Variants in PIK3C2A observed in about 807,000 individuals in gnomAD.
PIK3C2A encodes the protein phosphatidylinositol 4-phosphate 3-kinase C2 domain-containing subunit alpha.
In PIK3C2A, 97 loss-of-function variants were observed where a neutral mutation model predicts 204.5. The observed-to-expected ratio is 0.47, with a 90% CI of 0.40 to 0.56. PIK3C2A has a LOEUF of 0.56. Among genes scored for constraint, PIK3C2A ranks in the 20% least tolerant of loss-of-function variants. The probability of loss-of-function intolerance (pLI) is 0.00; values close to 1 mark genes in which losing one functional copy is unlikely to be tolerated. For missense variants in PIK3C2A, 1,735 were observed against 1,969.2 expected (o/e 0.88, Z 2.25); for synonymous variants, 653 against 664.4 (o/e 0.98, Z 0.26).
intron 19 of PIK3C2A, among the ~76,000 whole-genome samples, chr11:17,115,986 T>C (rs1217414760): frequency 1.3e-5 from 2 of 152,096 alleles, no homozygotes; most frequent in African/African-American, 2.4e-5. Context: ...GATTTAATGA[T>C]GGATTCTTAG....
At chr11:17,187,316 C>A (rs1342661916) in intron 1 of PIK3C2A, among the ~76,000 whole-genome samples, 1 of 152,124 alleles carries the variant, frequency 6.6e-6, no homozygotes, top group Non-Finnish European at 1.5e-5. Flanking sequence ...AGAGAGATGA[C>A]ACAGGATAAG....
At chr11:17,104,491 T>A (rs6486349) in intron 23 of PIK3C2A, among the ~76,000 whole-genome samples, 1 of 152,000 alleles carries the variant, frequency 6.6e-6, no homozygotes, top group East Asian at 1.9e-4. Flanking sequence ...TTTGGGAGAC[T>A]GAAGCGGGCG....
At chr11:17,100,730 A>G (rs998073313) in intron 25 of PIK3C2A, among the ~76,000 whole-genome samples, 11 of 152,154 alleles carry the variant, frequency 7.2e-5, no homozygotes, top group African/African-American at 2.4e-4. Context: ...CTTTATGTCC[A>G]TGTATACATA....
Position 17,119,930 on chromosome 11 carries a change from T to C in PIK3C2A, c.2702A>G (p.Tyr901Cys). 6.2e-7 allele frequency: 1 copy of C among 1,606,370 alleles called. No individual in the cohort carries two copies. Among genetic ancestry groups the C allele is most frequent in the South Asian group, 1.1e-5 (1 of 90,052 alleles). The change falls in exon 16 of 33, where the codon TAT (tyrosine) becomes TGT (cysteine). Residue 901 changes from tyrosine (Y) to cysteine (C), a missense_variant. By Grantham distance (194) the Tyr-to-Cys change is radical (BLOSUM62 -2). Transcript: ENST00000691414. The stretch of plus-strand genomic sequence containing the variant: ...AAGACAATTTGGGTGTTTGAAGCAA[T>C]AATAACGTTTCTCCCATAAAAAAGC... ...DKAFLWEKRYYCFKHPNCLPK... is the reference protein window; with the variant it reads ...DKAFLWEKRYCCFKHPNCLPK...
intron 23 of PIK3C2A, among the ~76,000 whole-genome samples, chr11:17,103,205 GA>G (rs1250361071): frequency 8.9e-5 from 1 of 11,240 alleles, no homozygotes; most frequent in African/African-American, 1.8e-3. Flanking sequence ...ATGGATAGAA[GA>G]TTTTTTGCTT....
chr11:17,145,894 T>G lies in PIK3C2A; in HGVS notation c.1609A>C (p.Ile537Leu). The G allele has an allele frequency of 1.2e-6, 2 of 1,613,666 alleles. No individual in the cohort carries two copies. Among genetic ancestry groups the G allele is most frequent in the Non-Finnish European group, 1.7e-6 (2 of 1,179,874 alleles). The stretch of plus-strand genomic sequence containing the variant: ...ATGGCTTCTTTGCAAGGTTTTTCTA[T>G]TTGATACAGGTGTTTGTTTAAATCC... ...PVDLNKHLYQ[I>L]EKPCKEAMTR... The change falls in exon 7 of 33, where the codon ATA becomes CTA. Residue 537 changes from isoleucine to leucine, a missense_variant. Around this residue, in one of 6 missense-constraint regions of PIK3C2A, gnomAD observed 106 missense variants for 108.2 expected, o/e 0.98. Transcript: ENST00000691414.
At chr11:17,175,522 C>A (rs1039919055) in intron 1 of PIK3C2A, among the ~76,000 whole-genome samples, 1 of 152,066 alleles carries the variant, frequency 6.6e-6, no homozygotes, top group Admixed American at 6.6e-5. Context: ...AAATAATTTC[C>A]TACATCCTAA....
chr11:17,196,702 T>C (rs890246936), intron 1 of PIK3C2A, among the ~76,000 whole-genome samples: 7 of 152,038 alleles, frequency 4.6e-5, no homozygotes, highest in African/African-American at 1.7e-4. Context: ...CCCGAGTAGC[T>C]GGGACTACAG....
At chr11:17,110,663 GGGCAGAACAC>G in intron 21 of PIK3C2A, 102 bp from the exon 22 acceptor site, 1 of 981,138 alleles carries the variant, frequency 1.0e-6, no homozygotes, top group Non-Finnish European at 1.5e-6. Flanking sequence ...AGGCCAAAGT[GGGCAGAACAC>G]CTGAGGTCAG....
chr11:17,150,478 T>C lies in PIK3C2A; in HGVS notation c.1327+20A>G. On this transcript the variant is annotated intron_variant, in intron 4 of 32. Coordinates refer to ENST00000691414, the MANE Select transcript of PIK3C2A (RefSeq NM_002645.4). Reference sequence around the variant, plus strand: ...CCCCTAACAGAGCAAAACGAGAGGCTTGAGGAACCATAAACCTACCATCAC... The same window carrying C: ...CCCCTAACAGAGCAAAACGAGAGGCCTGAGGAACCATAAACCTACCATCAC... The C allele has an allele frequency of 6.4e-7, 1 of 1,571,806 alleles. No individual in the cohort carries two copies. The highest frequency in any genetic ancestry group is 8.6e-7 in the Non-Finnish European group (1 of 1,162,832).
At position 17,145,715 on chromosome 11, in the gene PIK3C2A, G is replaced by A. The variant is rs1555026591; in HGVS notation, c.1657C>T (p.Leu553Phe). The A allele has an allele frequency of 6.2e-7, 1 of 1,607,400 alleles. No homozygotes were observed. The highest frequency in any genetic ancestry group is 8.5e-7 in the Non-Finnish European group (1 of 1,174,252). The change falls in exon 8 of 33, where the codon CTC (leucine) becomes TTC (phenylalanine). Residue 553 changes from leucine (L) to phenylalanine (F), a missense_variant. Leu to Phe is a conservative substitution (Grantham distance 22). Transcript: ENST00000691414. The part of the protein sequence containing the change: ...EAMTRHPVEE[L>F]LDSYHNQVEL... ...ACTTGGTTGTGATAAGAATCTAAGA[G>A]TTCTTCAACAGGGTGTCTGAAAGAA...
At position 17,136,443 on chromosome 11, in the gene PIK3C2A, T is replaced by C. The variant is rs1013137446; in HGVS notation, c.1848+39A>G. 4.0e-6 allele frequency: 6 copies of C among 1,488,770 alleles called. No individual in the cohort carries two copies. In the African/African-American group the frequency reaches 6.9e-5, roughly 17 times the overall value. The allele number at this position is 1,488,770 out of a possible 1,614,324, so 92.2% of individuals were successfully genotyped here. A position where few individuals can be genotyped will look rare whatever the true frequency, so the allele number is the denominator to read the frequency against. ...CAAAAATCTCCTGTTTAAGTACATA[T>C]TTGCATGTAATAAAATCCTAGTTAC... On this transcript the variant is annotated intron_variant, in intron 9 of 32. Coordinates refer to ENST00000691414, the MANE Select transcript of PIK3C2A (RefSeq NM_002645.4).
chr11:17,175,375 T>G (rs1000709540), intron 1 of PIK3C2A, among the ~76,000 whole-genome samples: 1 of 152,188 alleles, frequency 6.6e-6, no homozygotes, highest in Non-Finnish European at 1.5e-5. Flanking sequence ...GCATGTATAC[T>G]AAAATGGCAA....
intron 13 of PIK3C2A, among the ~76,000 whole-genome samples, chr11:17,124,404 T>C (rs142024355): frequency 1.3e-5 from 2 of 152,022 alleles, no homozygotes; most frequent in Non-Finnish European, 1.5e-5. Flanking sequence ...TTAAAAACAG[T>C]TGGTTTGCTT....
intron 15 of PIK3C2A, among the ~76,000 whole-genome samples, chr11:17,121,931 A>C (rs1849378989): frequency 6.6e-6 from 1 of 151,834 alleles, no homozygotes; most frequent in Admixed American, 6.6e-5. Flanking sequence ...GACTTGACAA[A>C]TTTCTAAAAT....
Position 17,169,674 on chromosome 11 carries a change from G to T in PIK3C2A, c.68C>A (p.Ala23Glu). 6.2e-7 allele frequency: 1 copy of T among 1,611,800 alleles called. No homozygotes were observed. The highest frequency in any genetic ancestry group is 8.5e-7 in the Non-Finnish European group (1 of 1,179,966). The change falls in exon 2 of 33, where the codon GCA becomes GAA. Residue 23 changes from alanine (A) to glutamate (E), a missense_variant. By Grantham distance (107) the Ala-to-Glu change is moderately radical. This residue lies in a region of PIK3C2A where 536 missense variants were observed against 546.7 expected (regional missense o/e 0.98). Coordinates refer to ENST00000691414, the MANE Select transcript of PIK3C2A (RefSeq NM_002645.4). ...TGCTTCTTCTTTGTCCACATCTTTT[G>T]CTCTTGTTGGTTCCGGATGTGAAGA... Reference protein sequence around the residue: ...CPSSHPEPTRAKDVDKEEALQ... With the variant: ...CPSSHPEPTREKDVDKEEALQ...
At position 17,099,966 on chromosome 11, in the gene PIK3C2A, T is replaced by C. The variant is rs752163337; in HGVS notation, c.4012A>G (p.Ile1338Val). Reference protein sequence around the residue: ...NLFLNLLSLMIPSGLPELTSI... With the variant: ...NLFLNLLSLMVPSGLPELTSI... ...GTAAGTTCTGGTAACCCTGAAGGAA[T>C]CATCTGTAGAAGAAAACAAAAAGTT... The change falls in exon 26 of 33, where the codon ATT becomes GTT. Residue 1338 changes from isoleucine to valine, a missense_variant. By Grantham distance (29) the Ile-to-Val change is conservative. Transcript: ENST00000691414. 2 of 1,482,586 alleles carry C rather than the reference T, an allele frequency of 1.3e-6. No homozygotes were observed. Among genetic ancestry groups the C allele is most frequent in the African/African-American group, 1.4e-5 (1 of 71,870 alleles). 91.8% of individuals were successfully genotyped at this position (1,482,586 alleles called of 1,614,324 possible).
At position 17,148,871 on chromosome 11, in the gene PIK3C2A, T is replaced by C. The variant is rs553528963; in HGVS notation, c.1328-84A>G. ...TTACTTATAATTTAAGACAGCAGTA[T>C]ACAATAGAAATATAATGTAGTCCAC... On this transcript the variant is annotated intron_variant, in intron 4 of 32. Coordinates refer to ENST00000691414, the MANE Select transcript of PIK3C2A (RefSeq NM_002645.4). 36 of 1,113,070 alleles carry C rather than the reference T, an allele frequency of 3.2e-5. No homozygotes were observed. In the South Asian group the frequency reaches 6.1e-4, roughly 19 times the overall value. The allele number at this position is 1,113,070 out of a possible 1,614,324, so 68.9% of individuals were successfully genotyped here. A position where few individuals can be genotyped will look rare whatever the true frequency, so the allele number is the denominator to read the frequency against.
chr11:17,200,917 C>T (rs751437611), intron 1 of PIK3C2A, among the ~76,000 whole-genome samples: 11 of 152,098 alleles, frequency 7.2e-5, no homozygotes, highest in Admixed American at 2.0e-4. Flanking sequence ...TGAAACTAGG[C>T]GATTCAAGCC....
Sources: gnomAD v4.1 joint callset for allele counts (sites outside exome capture counted in the v4.1 genomes callset) on GRCh38, gnomAD v4.1.1 for gene constraint, gnomAD v4.1.1 regional missense constraint, MANE v1.5 for transcripts, NCBI Gene and HGNC (gene_info 2026-07-23, HGNC 2026-07-21) for gene names.